The following SPECC1 variants were observed in gnomAD, a reference collection of about 807,000 sequenced individuals.
SPECC1 encodes the protein cytospin-B.
SPECC1 carries 62 observed loss-of-function variants against 104.1 expected under a neutral mutation model. The ratio of observed to expected loss-of-function variants is 0.60; its 90% CI spans 0.49 to 0.74. SPECC1 has a LOEUF of 0.74. Among genes scored for constraint, SPECC1 ranks in the 30% least tolerant of loss-of-function variants. The pLI, the probability that SPECC1 is intolerant of heterozygous loss-of-function variation, is 0.00. For missense variants in SPECC1, 1,306 were observed against 1,310.5 expected, an observed-to-expected ratio of 1.00 and a Z score of 0.05; for synonymous variants, 513 against 501.6, an observed-to-expected ratio of 1.02 and a Z score of -0.30.
chr17:20,124,507 C>A (rs1402686588), intron 3 of SPECC1, among the ~76,000 whole-genome samples: 1 of 152,084 alleles, frequency 6.6e-6, no homozygotes, highest in Non-Finnish European at 1.5e-5. Flanking sequence ...AGATGAGAAC[C>A]TGGAAAATCA....
intron 3 of SPECC1, among the ~76,000 whole-genome samples, chr17:20,201,728 T>A (rs924462437): frequency 6.6e-6 from 1 of 152,212 alleles, no homozygotes; most frequent in African/African-American, 2.4e-5. Context: ...ACAAGAATAA[T>A]TAAATAAGTC....
At chr17:20,131,708 G>A (rs2049645416) in intron 3 of SPECC1, among the ~76,000 whole-genome samples, 1 of 147,982 alleles carries the variant, frequency 6.8e-6, no homozygotes, top group Non-Finnish European at 1.5e-5. Context: ...GGAGTGCAGT[G>A]GCACAATTTC....
intron 1 of SPECC1, chr17:20,017,060 G>A (rs2044162893): frequency 6.6e-6 from 1 of 152,220 alleles, no homozygotes; most frequent in African/African-American, 2.4e-5. Context: ...AAATGGAGCA[G>A]TCGGCTCTCT....
At chr17:20,175,520 TAGTC>T (rs2034413989) in intron 3 of SPECC1, among the ~76,000 whole-genome samples, 1 of 152,262 alleles carries the variant, frequency 6.6e-6, no homozygotes, top group African/African-American at 2.4e-5. Context: ...TCAGTATTCT[TAGTC>T]GGTCTTCTCA....
intron 3 of SPECC1, among the ~76,000 whole-genome samples, chr17:20,152,088 G>C (rs1245355071): frequency 2.0e-5 from 3 of 151,760 alleles, no homozygotes; most frequent in Non-Finnish European, 4.4e-5. Context: ...ATCACTTGAG[G>C]TCAGGAGTTT....
chr17:20,095,224 A>T (rs962422862), intron 1 of SPECC1, among the ~76,000 whole-genome samples: 11 of 152,262 alleles, frequency 7.2e-5, no homozygotes, highest in Non-Finnish European at 1.5e-4. Context: ...TGTAAAATAC[A>T]TGATAATTAA....
chr17:20,069,988 A>G (rs764088678), intron 1 of SPECC1, among the ~76,000 whole-genome samples: 1 of 152,092 alleles, frequency 6.6e-6, no homozygotes, highest in Non-Finnish European at 1.5e-5. Flanking sequence ...GAACTCCTTT[A>G]TTAGCCCTAA....
chr17:20,018,931 C>T (rs1413244865), intron 1 of SPECC1, among the ~76,000 whole-genome samples: 5 of 152,140 alleles, frequency 3.3e-5, no homozygotes, highest in Admixed American at 1.3e-4. Flanking sequence ...TTCCACGCTA[C>T]CTGAAGAAAA....
intron 3 of SPECC1, among the ~76,000 whole-genome samples, chr17:20,129,042 G>A (rs1485176994): frequency 1.3e-5 from 2 of 151,514 alleles, no homozygotes; most frequent in African/African-American, 4.8e-5. Flanking sequence ...ACAGCCATGC[G>A]CCACCATGCC....
Position 20,315,714 on chromosome 17 carries a change from C to T in SPECC1, c.*1649C>T. ...TCCTGGAGAGGTAGGAGCTCAGTCC[C>T]TTCCTCCAAGCCAGACCTTTGCAGA... On this transcript the variant is annotated 3_prime_UTR_variant, in exon 15 of 15. Transcript: ENST00000395527. The T allele has an allele frequency of 4.3e-6, 1 of 232,456 alleles. No individual in the cohort carries two copies. The highest frequency in any genetic ancestry group is 8.5e-6 in the Non-Finnish European group (1 of 117,536). The allele number at this position is 232,456 out of a possible 1,614,324, so 14.4% of individuals were successfully genotyped here.
chr17:20,061,323 C>T (rs371399073), intron 1 of SPECC1, among the ~76,000 whole-genome samples: 214 of 152,336 alleles, frequency 1.4e-3, no homozygotes, highest in African/African-American at 4.8e-3. Context: ...CCACTCACCT[C>T]GGCCTCCCAA....
At chr17:20,060,897 A>C (rs2046161610) in intron 1 of SPECC1, among the ~76,000 whole-genome samples, 2 of 152,248 alleles carry the variant, frequency 1.3e-5, no homozygotes, top group African/African-American at 2.4e-5. Context: ...CATATTACGA[A>C]AATATATTGT....
intron 9 of SPECC1, among the ~76,000 whole-genome samples, chr17:20,253,063 C>G (rs1297701630): frequency 1.3e-5 from 2 of 150,642 alleles, no homozygotes; most frequent in Non-Finnish European, 1.5e-5. Flanking sequence ...TGATGATGGT[C>G]TTCCTAATAA....
rs1220996217 is a variant in SPECC1 at position 20,318,541 on chromosome 17, T to A, written c.*4476T>A. On this transcript the variant is annotated 3_prime_UTR_variant, in exon 15 of 15. Coordinates refer to ENST00000395527, the MANE Select transcript of SPECC1 (RefSeq NM_001243439.2). ...CCCACAAACGTTACGGAGACTCCCT[T>A]AGCCTCCCCCTCCTCTTCCCCACTG... is the stretch of plus-strand genomic sequence containing the variant. 4.4e-6 allele frequency: 1 copy of A among 228,512 alleles called. No homozygotes were observed. Among genetic ancestry groups the A allele is most frequent in the Non-Finnish European group, 8.7e-6 (1 of 115,264 alleles). 14.2% of individuals were successfully genotyped at this position (228,512 alleles called of 1,614,324 possible). A position where few individuals can be genotyped will look rare whatever the true frequency, so the allele number is the denominator to read the frequency against.
intron 3 of SPECC1, among the ~76,000 whole-genome samples, chr17:20,163,253 A>G (rs2033336003): frequency 6.6e-6 from 1 of 152,224 alleles, no homozygotes; most frequent in Non-Finnish European, 1.5e-5. Flanking sequence ...AAAGTTGTGG[A>G]TAATAAAAAA....
intron 3 of SPECC1, among the ~76,000 whole-genome samples, chr17:20,200,934 G>A (rs2036391337): frequency 6.6e-6 from 1 of 151,310 alleles, no homozygotes; most frequent in Admixed American, 6.6e-5. Flanking sequence ...ACAAAAATAT[G>A]GCTGGATTGT....
rs1323105329 is a variant in SPECC1, at chr17:20,318,551, C to T, written c.*4486C>T. ...TTACGGAGACTCCCTTAGCCTCCCC[C>T]TCCTCTTCCCCACTGAGGGGCAGCT... On this transcript the variant is annotated 3_prime_UTR_variant, in exon 15 of 15. Coordinates refer to ENST00000395527, the MANE Select transcript of SPECC1 (RefSeq NM_001243439.2). 1 of 229,932 alleles carries T rather than the reference C, an allele frequency of 4.3e-6. No individual in the cohort carries two copies. The highest frequency in any genetic ancestry group is 8.6e-6 in the Non-Finnish European group (1 of 116,102). 14.2% of individuals were successfully genotyped at this position (229,932 alleles called of 1,614,324 possible).
chr17:20,175,525 G>A (rs763205556), intron 3 of SPECC1, among the ~76,000 whole-genome samples: 3 of 151,672 alleles, frequency 2.0e-5, no homozygotes, highest in East Asian at 1.9e-4. Context: ...ATTCTTAGTC[G>A]GTCTTCTCAT....
chr17:20,074,923 ACAGAGCCTTGCTGTTGT>A (rs2046698070), intron 1 of SPECC1, among the ~76,000 whole-genome samples: 8 of 151,888 alleles, frequency 5.3e-5, no homozygotes, highest in African/African-American at 1.9e-4. Flanking sequence ...TTTTTTTTAG[ACAGAGCCTTGCTGTTGT>A]CACCCAGGCT....
Sources: allele counts gnomAD v4.1 joint callset (sites outside exome capture counted in the v4.1 genomes callset), GRCh38; gene constraint gnomAD v4.1.1; transcripts MANE v1.5; gene names NCBI Gene and HGNC (gene_info 2026-07-23, HGNC 2026-07-21).